Variants in FBXL17 observed in about 807,000 individuals in gnomAD.
The protein encoded by FBXL17 is F-box and leucine rich repeat protein 17.
A neutral mutation model predicts 66.2 loss-of-function variants in FBXL17; 22 were observed. The ratio of observed to expected loss-of-function variants is 0.33; its 90% CI spans 0.24 to 0.47. The LOEUF is 0.47. Ranked by LOEUF, FBXL17 falls within the 20% of genes least tolerant of loss-of-function variation. The pLI is 1.00. For synonymous variants in FBXL17, 474 were observed against 400.5 expected (o/e 1.18, Z -2.19); for missense variants, 878 against 948.2 (o/e 0.93, Z 0.97).
chr5:108,150,884 A>C (rs535712418), intron 6 of FBXL17, among the ~76,000 whole-genome samples: 4 of 152,300 alleles, frequency 2.6e-5, no homozygotes, highest in Non-Finnish European at 5.9e-5. Context: ...CATAATTAAT[A>C]ATTAGTGAGC....
chr5:107,994,658 T>C (rs182794879), intron 7 of FBXL17, among the ~76,000 whole-genome samples: 3 of 152,106 alleles, frequency 2.0e-5, no homozygotes, highest in Non-Finnish European at 4.4e-5. Flanking sequence ...GTCAAGATGG[T>C]GAAACCCCAT....
intron 6 of FBXL17, among the ~76,000 whole-genome samples, chr5:108,102,466 C>T (rs1749637514): frequency 6.6e-6 from 1 of 152,132 alleles, no homozygotes; most frequent in Non-Finnish European, 1.5e-5. Context: ...TAACTGAGAT[C>T]TCGGCAAATT....
chr5:108,328,759 T>C (rs1759982635), intron 4 of FBXL17, among the ~76,000 whole-genome samples: 1 of 152,046 alleles, frequency 6.6e-6, no homozygotes, highest in Non-Finnish European at 1.5e-5. Context: ...TCTCAATATA[T>C]TGTAAAATCA....
At chr5:108,072,787 A>G (rs904439940) in intron 6 of FBXL17, among the ~76,000 whole-genome samples, 5 of 152,220 alleles carry the variant, frequency 3.3e-5, no homozygotes, top group Admixed American at 1.3e-4. Context: ...CTCATTCCTC[A>G]TTAACGCTTT....
At chr5:107,977,337 G>A (rs1016216454) in intron 7 of FBXL17, among the ~76,000 whole-genome samples, 4 of 152,100 alleles carry the variant, frequency 2.6e-5, no homozygotes, top group Non-Finnish European at 4.4e-5. Flanking sequence ...ACACACACAC[G>A]TAATTTAATG....
chr5:108,292,271 A>G (rs971085261), intron 4 of FBXL17, among the ~76,000 whole-genome samples: 24 of 151,886 alleles, frequency 1.6e-4, no homozygotes, highest in African/African-American at 5.6e-4. Flanking sequence ...ACAGGCACAC[A>G]CCACCACGCC....
intron 6 of FBXL17, among the ~76,000 whole-genome samples, chr5:108,157,124 T>C (rs998321783): frequency 2.7e-4 from 41 of 150,646 alleles, no homozygotes; most frequent in African/African-American, 9.8e-4. Flanking sequence ...ATAATATGCA[T>C]CATCTAGTAT....
chr5:107,986,530 C>G (rs1753018174), intron 7 of FBXL17, among the ~76,000 whole-genome samples: 1 of 151,582 alleles, frequency 6.6e-6, no homozygotes, highest in African/African-American at 2.4e-5. Context: ...ATTAAAATCC[C>G]AATGTGTCAT....
chr5:108,368,949 C>T (rs993852305), intron 1 of FBXL17, among the ~76,000 whole-genome samples: 1 of 150,536 alleles, frequency 6.6e-6, no homozygotes, highest in African/African-American at 2.4e-5. Context: ...ACTTCCCTCA[C>T]AATTTGACCA....
At chr5:108,178,420 G>T (rs1752879358) in intron 6 of FBXL17, among the ~76,000 whole-genome samples, 1 of 151,974 alleles carries the variant, frequency 6.6e-6, no homozygotes, top group African/African-American at 2.4e-5. Flanking sequence ...TCTAGGGATG[G>T]TCTTACACAT....
chr5:108,092,029 G>A (rs182152599), intron 6 of FBXL17, among the ~76,000 whole-genome samples: 1 of 152,164 alleles, frequency 6.6e-6, no homozygotes, highest in African/African-American at 2.4e-5. Flanking sequence ...TTTATTTTCT[G>A]GCATTAGCTT....
At chr5:108,177,681 C>A (rs1752841621) in intron 6 of FBXL17, among the ~76,000 whole-genome samples, 1 of 151,838 alleles carries the variant, frequency 6.6e-6, no homozygotes, top group South Asian at 2.1e-4. Context: ...GGAGCTTGAA[C>A]TCTGAAGACC....
At chr5:108,006,705 A>G (rs547928886) in intron 7 of FBXL17, among the ~76,000 whole-genome samples, 1 of 152,304 alleles carries the variant, frequency 6.6e-6, no homozygotes, top group Non-Finnish European at 1.5e-5. Context: ...ATAAAGAAGA[A>G]AAAGTAGGAA....
chr5:108,340,105 T>A (rs1199208940), intron 4 of FBXL17, among the ~76,000 whole-genome samples: 1 of 151,156 alleles, frequency 6.6e-6, no homozygotes, highest in Non-Finnish European at 1.5e-5. Context: ...AATCCACTTA[T>A]GTTCCTGCCA....
intron 7 of FBXL17, among the ~76,000 whole-genome samples, chr5:107,939,151 T>C (rs1373485966): frequency 6.6e-6 from 1 of 152,178 alleles, no homozygotes; most frequent in Non-Finnish European, 1.5e-5. Flanking sequence ...TTATAGTTAC[T>C]GAATACATAT....
At chr5:108,279,374 C>T (rs1023838097) in intron 4 of FBXL17, among the ~76,000 whole-genome samples, 8 of 152,088 alleles carry the variant, frequency 5.3e-5, no homozygotes, top group African/African-American at 1.9e-4. Context: ...CCCAGCACAA[C>T]TTCATCACAG....
At chr5:107,876,814 T>G (rs1748627196) in intron 8 of FBXL17, among the ~76,000 whole-genome samples, 1 of 152,196 alleles carries the variant, frequency 6.6e-6, no homozygotes, top group South Asian at 2.1e-4. Flanking sequence ...GAATCTAGAA[T>G]TCACTGAAGT....
chr5:107,943,547 C>CTTT (rs5870290), intron 7 of FBXL17, among the ~76,000 whole-genome samples: 3 of 144,698 alleles, frequency 2.1e-5, no homozygotes, highest in African/African-American at 2.5e-5. Flanking sequence ...AGAACCTCAT[C>CTTT]TTTTTTTTTT....
At chr5:108,201,236 TA>T (rs1489355175) in intron 5 of FBXL17, among the ~76,000 whole-genome samples, 3 of 152,096 alleles carry the variant, frequency 2.0e-5, no homozygotes, top group Non-Finnish European at 4.4e-5. Flanking sequence ...CACACAACAT[TA>T]AACAAAATTG....
Sources: gnomAD v4.1 joint callset for allele counts (sites outside exome capture counted in the v4.1 genomes callset) on GRCh38, gnomAD v4.1.1 for gene constraint, MANE v1.5 for transcripts, NCBI Gene and HGNC (gene_info 2026-07-23, HGNC 2026-07-21) for gene names.